Variants in FBXW7 observed in about 807,000 individuals in gnomAD.
FBXW7 encodes the protein F-box/WD repeat-containing protein 7.
Under a neutral mutation model 86.3 loss-of-function variants are expected in FBXW7, and 11 were observed. The observed-to-expected ratio is 0.13, with a 90% CI of 0.08 to 0.21. FBXW7 has a LOEUF of 0.21. Ranked by LOEUF, FBXW7 falls within the 10% of genes least tolerant of loss-of-function variation. FBXW7 has a pLI of 1.00. For synonymous variants in FBXW7, 313 were observed against 297.9 expected (o/e 1.05, Z -0.52); for missense variants, 488 against 847.4 (o/e 0.58, Z 5.27).
At chr4:152,527,991 C>T (rs1561003962) in intron 2 of FBXW7, among the ~76,000 whole-genome samples, 1 of 151,796 alleles carries the variant, frequency 6.6e-6, no homozygotes, top group Non-Finnish European at 1.5e-5. Context: ...TAAACATTGA[C>T]GGGTTCGTTT....
chr4:152,438,299 A>G (rs1368838525), intron 2 of FBXW7, among the ~76,000 whole-genome samples: 1 of 152,200 alleles, frequency 6.6e-6, no homozygotes, highest in Non-Finnish European at 1.5e-5. Context: ...GGGAAACAAT[A>G]AATTCTTGTG....
chr4:152,387,453 A>T (rs1422144306), intron 4 of FBXW7, among the ~76,000 whole-genome samples: 1 of 152,154 alleles, frequency 6.6e-6, no homozygotes, highest in East Asian at 1.9e-4. Flanking sequence ...TAGATATCAG[A>T]GTATTAAAGT....
chr4:152,422,207 A>C (rs1311521469), intron 2 of FBXW7, among the ~76,000 whole-genome samples: 2 of 152,162 alleles, frequency 1.3e-5, no homozygotes, highest in African/African-American at 4.8e-5. Flanking sequence ...ATTCAGAAAA[A>C]CTCAGTGAAT....
chr4:152,352,172 C>G (rs1731881844), intron 4 of FBXW7, among the ~76,000 whole-genome samples: 1 of 152,054 alleles, frequency 6.6e-6, no homozygotes, highest in Non-Finnish European at 1.5e-5. Flanking sequence ...TAAAAGCCAA[C>G]TAAGGATAGA....
At chr4:152,488,225 ATAAGAC>A (rs1745526715) in intron 2 of FBXW7, among the ~76,000 whole-genome samples, 1 of 152,084 alleles carries the variant, frequency 6.6e-6, no homozygotes, top group Non-Finnish European at 1.5e-5. Context: ...ACCTACTGTT[ATAAGAC>A]TGGTGCATAA....
chr4:152,481,453 A>G (rs1185259466), intron 2 of FBXW7, among the ~76,000 whole-genome samples: 2 of 152,174 alleles, frequency 1.3e-5, no homozygotes, highest in African/African-American at 4.8e-5. Flanking sequence ...ACATCCATTC[A>G]GCAGGCCATG....
chr4:152,357,602 T>C (rs770350501), intron 4 of FBXW7, among the ~76,000 whole-genome samples: 19 of 152,102 alleles, frequency 1.2e-4, no homozygotes, highest in Non-Finnish European at 2.6e-4. Context: ...ATTACAGGGG[T>C]AAGCCACCGT....
intron 4 of FBXW7, among the ~76,000 whole-genome samples, chr4:152,403,187 A>G (rs1737097178): frequency 6.6e-6 from 1 of 152,192 alleles, no homozygotes; most frequent in South Asian, 2.1e-4. Context: ...CTTTAGAATT[A>G]TGTTTTAAGG....
intron 2 of FBXW7, among the ~76,000 whole-genome samples, chr4:152,480,157 G>C (rs185329167): frequency 6.6e-6 from 1 of 152,064 alleles, no homozygotes; most frequent in Non-Finnish European, 1.5e-5. Context: ...TCTATTTGGT[G>C]CAATTTTTCA....
At chr4:152,435,942 G>A (rs1315510055) in intron 2 of FBXW7, among the ~76,000 whole-genome samples, 1 of 151,986 alleles carries the variant, frequency 6.6e-6, no homozygotes, top group Non-Finnish European at 1.5e-5. Context: ...TTGTTTTGGG[G>A]TGCCACAAAC....
At chr4:152,367,453 G>C (rs1439814685) in intron 4 of FBXW7, among the ~76,000 whole-genome samples, 1 of 152,112 alleles carries the variant, frequency 6.6e-6, no homozygotes, top group East Asian at 1.9e-4. Context: ...CTCCCATTGA[G>C]AGAGGATATA....
chr4:152,402,542 G>A (rs189191862), intron 4 of FBXW7, among the ~76,000 whole-genome samples: 55 of 152,230 alleles, frequency 3.6e-4, no homozygotes, highest in Middle Eastern at 6.8e-3. Flanking sequence ...ATTTCCAAAC[G>A]TTAACAAAAG....
At chr4:152,420,699 G>A (rs1738863855) in intron 2 of FBXW7, among the ~76,000 whole-genome samples, 1 of 152,172 alleles carries the variant, frequency 6.6e-6, no homozygotes, top group African/African-American at 2.4e-5. Flanking sequence ...GTTACCAGGT[G>A]CATTGTCAGT....
chr4:152,497,649 A>AT (rs1018273666), intron 2 of FBXW7, among the ~76,000 whole-genome samples: 36 of 152,302 alleles, frequency 2.4e-4, no homozygotes, highest in South Asian at 1.5e-3. Context: ...TTAAATGTTG[A>AT]TAAAAAAAAG....
chr4:152,489,024 A>C (rs1013305108), intron 2 of FBXW7, among the ~76,000 whole-genome samples: 2 of 152,112 alleles, frequency 1.3e-5, no homozygotes, highest in East Asian at 3.8e-4. Context: ...CAGAGCTTAG[A>C]CAGGATTTTT....
intron 4 of FBXW7, chr4:152,411,033 G>T (rs1214190814): frequency 6.9e-6 from 3 of 433,638 alleles, no homozygotes. Context: ...TGCCCGGGAC[G>T]CAAGGTTTAG....
rs1184915941 is a variant in FBXW7, at chr4:152,332,734, C to G, written c.862-15G>C. 1.3e-6 allele frequency: 2 copies of G among 1,514,560 alleles called. No individual in the cohort carries two copies. The highest frequency in any genetic ancestry group is 1.8e-5 in the Admixed American group (1 of 56,572). The allele number at this position is 1,514,560 out of a possible 1,614,324, so 93.8% of individuals were successfully genotyped here. A position where few individuals can be genotyped will look rare whatever the true frequency, so the allele number is the denominator to read the frequency against. ...TAGAGTGCCAACTAAGAAAAAAATG[C>G]ATAGTATAATACCCATATTTAAATA... On this transcript the variant is annotated splice_polypyrimidine_tract_variant and intron_variant, in intron 7 of 13. Transcript: ENST00000281708.
chr4:152,453,231 T>C (rs1371318028), intron 2 of FBXW7, among the ~76,000 whole-genome samples: 1 of 152,224 alleles, frequency 6.6e-6, no homozygotes, highest in East Asian at 1.9e-4. Flanking sequence ...ATATGTTAAA[T>C]GCTTGAAATA....
chr4:152,511,231 G>A (rs527923523), intron 2 of FBXW7, among the ~76,000 whole-genome samples: 1 of 151,978 alleles, frequency 6.6e-6, no homozygotes, highest in East Asian at 1.9e-4. Context: ...AATATAACAG[G>A]AAGGATAGCA....
Sources: allele counts gnomAD v4.1 joint callset (sites outside exome capture counted in the v4.1 genomes callset), GRCh38; gene constraint gnomAD v4.1.1; transcripts MANE v1.5; gene names NCBI Gene and HGNC (gene_info 2026-07-23, HGNC 2026-07-21).